ZSCAN5A: variants seen among roughly 807,000 people sequenced by gnomAD.
The protein encoded by ZSCAN5A is zinc finger and SCAN domain containing 5A.
In ZSCAN5A, 12 loss-of-function variants were observed where a neutral mutation model predicts 23.7. The observed-to-expected ratio is 0.51, with a 90% CI of 0.32 to 0.82. The LOEUF (loss-of-function observed/expected upper bound fraction) is 0.82. ZSCAN5A is among the 40% of genes least tolerant of loss of function. ZSCAN5A has a pLI of 0.03. For missense variants in ZSCAN5A, 597 were observed against 617.9 expected, an observed-to-expected ratio of 0.97 and a Z score of 0.36; for synonymous variants, 257 against 239.9, an observed-to-expected ratio of 1.07 and a Z score of -0.66.
chr19:56,307,275 A>C (rs2040750670), intron 2 of ZSCAN5A, among the ~76,000 whole-genome samples: 1 of 152,180 alleles, frequency 6.6e-6, no homozygotes, highest in Non-Finnish European at 1.5e-5. Flanking sequence ...TTTACATTAA[A>C]AAATGTCAAC....
chr19:56,235,899 T>C (rs1266399193), intron 2 of ZSCAN5A, among the ~76,000 whole-genome samples: 228 of 10,186 alleles, frequency 0.022, 21 homozygotes, highest in Non-Finnish European at 0.03. Flanking sequence ...CAGCCTCTGA[T>C]GGACGGTGGG....
intron 2 of ZSCAN5A, among the ~76,000 whole-genome samples, chr19:56,307,221 C>A (rs963189723): frequency 1.3e-5 from 2 of 152,190 alleles, no homozygotes; most frequent in Admixed American, 1.3e-4. Flanking sequence ...GCCTCTCCCA[C>A]GTCGCCTGCC....
In ZSCAN5A at chr19:56,358,027, G is replaced by A. The variant is rs889475069; in HGVS notation, c.-358+5208C>T. On this transcript the variant is annotated intron_variant, in intron 2 of 6. Coordinates refer to the ZSCAN5A transcript ENST00000587340. ...CAAAAAAGACAAAGAAGGGCATTAG[G>A]TAATGGTAAAAACTTTAATTCAGCA... Among the ~76,000 whole-genome samples the A allele has an allele frequency of 5.1e-4, 76 of 148,930 alleles. 15 individuals are homozygous for A. The highest frequency in any genetic ancestry group is 1.9e-3 in the African/African-American group (76 of 39,538).
chr19:56,225,599 TTAACTCCAGAACATTTAC>T (rs1429307851), intron 2 of ZSCAN5A, among the ~76,000 whole-genome samples: 1 of 152,216 alleles, frequency 6.6e-6, no homozygotes, highest in Non-Finnish European at 1.5e-5. Context: ...CATATTCTTG[TTAACTCCAGAACATTTAC>T]TTGCTCCAGG....
chr19:56,362,085 G>A (rs2041737158), intron 2 of ZSCAN5A, among the ~76,000 whole-genome samples: 1 of 151,138 alleles, frequency 6.6e-6, no homozygotes, highest in Non-Finnish European at 1.5e-5. Context: ...ATGAACCTGG[G>A]AGGCGGAGCT....
At chr19:56,334,343 C>A (rs1568756821) in intron 2 of ZSCAN5A, among the ~76,000 whole-genome samples, 1 of 152,236 alleles carries the variant, frequency 6.6e-6, no homozygotes, top group Non-Finnish European at 1.5e-5. Flanking sequence ...TTTATCACAT[C>A]TCTACCATTT....
intron 2 of ZSCAN5A, among the ~76,000 whole-genome samples, chr19:56,260,406 G>A (rs2037043389): frequency 1.3e-5 from 2 of 151,664 alleles, no homozygotes; most frequent in African/African-American, 2.4e-5. Context: ...TAGAGATGGG[G>A]TTTCTCCATG....
chr19:56,270,328 G>A (rs4801697), intron 2 of ZSCAN5A, among the ~76,000 whole-genome samples: 14,427 of 152,106 alleles, frequency 0.095, 1,360 homozygotes, highest in African/African-American at 0.24. Flanking sequence ...TGAGGCAGGA[G>A]AATCGTTTGA....
chr19:56,360,423 C>T (rs964530608), intron 2 of ZSCAN5A, among the ~76,000 whole-genome samples: 13 of 152,082 alleles, frequency 8.5e-5, no homozygotes, highest in Non-Finnish European at 7.4e-5. Context: ...AGGAAATCAG[C>T]GAGGACACAA....
chr19:56,246,580 C>G (rs967601489), intron 2 of ZSCAN5A: 1 of 660,834 alleles, frequency 1.5e-6, no homozygotes, highest in East Asian at 2.5e-5. Context: ...CAAAGCCTCT[C>G]CATCCCTTAC....
intron 2 of ZSCAN5A, chr19:56,225,429 A>C (rs1343834227): frequency 5.8e-6 from 1 of 173,096 alleles, no homozygotes; most frequent in African/African-American, 2.4e-5. Context: ...CTTGACTATA[A>C]ATTAAATAAG....
At chr19:56,346,870 G>C (rs1165391524) in intron 2 of ZSCAN5A, among the ~76,000 whole-genome samples, 1 of 152,122 alleles carries the variant, frequency 6.6e-6, no homozygotes, top group Non-Finnish European at 1.5e-5. Flanking sequence ...TGGGACTACA[G>C]GCACCTGCTA....
intron 2 of ZSCAN5A, among the ~76,000 whole-genome samples, chr19:56,278,920 C>A (rs943385718): frequency 6.6e-6 from 1 of 152,200 alleles, no homozygotes; most frequent in African/African-American, 2.4e-5. Flanking sequence ...GGGCCTCCAT[C>A]CAACTGGATG....
In ZSCAN5A at chr19:56,334,704, T is replaced by A. The variant is rs571244161; in HGVS notation, c.-357-18436A>T. Reference sequence around the variant, plus strand: ...CCTCCAGGTACTGGAAAATCTGAGATGACTAGGGACTGGAGAGGACTCCTA... The same window carrying A: ...CCTCCAGGTACTGGAAAATCTGAGAAGACTAGGGACTGGAGAGGACTCCTA... On this transcript the variant is annotated intron_variant, in intron 2 of 6. Transcript: ENST00000587340. 2.0e-5 allele frequency among the ~76,000 whole-genome samples: 3 copies of A among 152,234 alleles called. No individual in the cohort carries two copies. The South Asian group carries it at 6.2e-4, about 32-fold the overall frequency.
chr19:56,303,495 A>AGAAGGAAAG lies in ZSCAN5A; in HGVS notation c.-128+9779_-128+9787dup, dbSNP rs375036911. Among the ~76,000 whole-genome samples, 6 of 145,774 alleles carry AGAAGGAAAG rather than the reference A, an allele frequency of 4.1e-5. No homozygotes were observed. The South Asian group carries it at 7.3e-4, about 18-fold the overall frequency. On this transcript the variant is annotated intron_variant, in intron 2 of 5. Transcript: ENST00000683990. ...AAAATTAAAGTAAATAGAAAAAAAA[A>AGAAGGAAAG]GAAGGAAAGGAAGGAAAGGAGGGAG...
chr19:56,275,192 G>T (rs1190732345), intron 2 of ZSCAN5A, among the ~76,000 whole-genome samples: 2 of 152,098 alleles, frequency 1.3e-5, no homozygotes, highest in Admixed American at 6.5e-5. Flanking sequence ...AATACGCTGG[G>T]GGAGAAATTT....
chr19:56,221,739 T>C lies in ZSCAN5A; in HGVS notation c.1327A>G (p.Lys443Glu). Residue 443 changes from lysine to glutamate, a missense_variant, in exon 6 of 6, where the codon AAA becomes GAA. Transcript: ENST00000683990. ...SHTGEKPFEC[K>E]DCKKVFTYRG... ...TAGGTGAAAACTTTCTTGCAGTCTT[T>C]ACATTCGAAGGGCTTCTCCCCTGTG... 2 of 1,614,236 alleles carry C rather than the reference T, an allele frequency of 1.2e-6. No homozygotes were observed. Among genetic ancestry groups the C allele is most frequent in the Non-Finnish European group, 1.7e-6 (2 of 1,180,048 alleles).
chr19:56,268,993 TA>T (rs1393362196), intron 2 of ZSCAN5A, among the ~76,000 whole-genome samples: 41 of 152,372 alleles, frequency 2.7e-4, no homozygotes, highest in Admixed American at 2.7e-3. Context: ...AATATCCTAT[TA>T]TATGGCTATA....
chr19:56,319,144 A>T (rs956926404), upstream of ZSCAN5A, among the ~76,000 whole-genome samples: 2 of 152,112 alleles, frequency 1.3e-5, no homozygotes, highest in African/African-American at 4.8e-5. Flanking sequence ...AAAGAAGCTC[A>T]TTCCCCCCTA....
Sources: gnomAD v4.1 joint callset for allele counts (sites outside exome capture counted in the v4.1 genomes callset) on GRCh38, gnomAD v4.1.1 for gene constraint, MANE v1.5 for transcripts, NCBI Gene and HGNC (gene_info 2026-07-23, HGNC 2026-07-21) for gene names.